ENPEP: variants seen among roughly 807,000 people sequenced by gnomAD.
ENPEP encodes the protein glutamyl aminopeptidase.
ENPEP carries 103 observed loss-of-function variants against 114.5 expected under a neutral mutation model. The ratio of observed to expected loss-of-function variants is 0.90; its 90% confidence interval spans 0.77 to 1.06. The LOEUF (loss-of-function observed/expected upper bound fraction) is 1.06, where lower values mean the gene tolerates loss of function less well. Ranked by LOEUF, ENPEP falls within the 50% of genes least tolerant of loss-of-function variation. ENPEP has a pLI of 0.00. For missense variants in ENPEP, 1,196 were observed against 1,161.3 expected (o/e 1.03, Z -0.43); for synonymous variants, 420 against 422.0 (o/e 1.00, Z 0.06).
chr4:110,535,202 G>T (rs1405632354), intron 11 of ENPEP, among the ~76,000 whole-genome samples: 1 of 152,122 alleles, frequency 6.6e-6, no homozygotes, highest in Non-Finnish European at 1.5e-5. Flanking sequence ...TCTGGGCTGG[G>T]TCTAAGTTCT....
In ENPEP at chr4:110,543,128, T is replaced by C. The variant is rs575019459; in HGVS notation, c.2000+58T>C. 8 of 1,481,624 alleles carry C rather than the reference T, an allele frequency of 5.4e-6. No individual in the cohort carries two copies. The African/African-American group carries it at 1.1e-4, about 21-fold the overall frequency. The allele number at this position is 1,481,624 out of a possible 1,614,324, so 91.8% of individuals were successfully genotyped here. On this transcript the variant is annotated intron_variant, in intron 13 of 19. Transcript: ENST00000265162. ...ATACTGTGGGTTTTCTCATAAATCT[T>C]TTAAAAATGAATTAAACATTGCAGT...
Position 110,561,723 on chromosome 4 carries a change from G to C in ENPEP, c.*165G>C. ...CAAAGCCTTTAAATTGTTCCTCTTT[G>C]TTTATGAAGAAAGATACTAATAGAG... On this transcript the variant is annotated 3_prime_UTR_variant, in exon 20 of 20. Coordinates refer to ENST00000265162, the MANE Select transcript of ENPEP (RefSeq NM_001977.4). 1 of 632,308 alleles carries C rather than the reference G, an allele frequency of 1.6e-6. No homozygotes were observed. The highest frequency in any genetic ancestry group is 3.3e-5 in the Admixed American group (1 of 30,492). 39.2% of individuals were successfully genotyped at this position (632,308 alleles called of 1,614,324 possible). A position where few individuals can be genotyped will look rare whatever the true frequency, so the allele number is the denominator to read the frequency against.
rs1560571297 is a variant in ENPEP, at chr4:110,553,399, T to C, written c.2586T>C (p.Tyr862=). ...TVIRYISYNS[Y]GKNMAWNWIQ... ...TTCGATATATCTCATATAACAGCTA[T>C]GGGAAGAACATGGCCTGGAATTGGA... Residue 862 remains tyrosine, a synonymous_variant, in exon 18 of 20, where the codon TAT becomes TAC. Coordinates refer to ENST00000265162, the MANE Select transcript of ENPEP (RefSeq NM_001977.4). The C allele has an allele frequency of 6.2e-7, 1 of 1,611,554 alleles. No individual in the cohort carries two copies. Among genetic ancestry groups the C allele is most frequent in the Non-Finnish European group, 8.5e-7 (1 of 1,178,284 alleles).
chr4:110,548,075 G>A, intron 13 of ENPEP, 101 bp from the exon 14 acceptor site: 2 of 1,242,394 alleles, frequency 1.6e-6, no homozygotes, highest in Non-Finnish European at 2.1e-6. Flanking sequence ...AACATGGAAT[G>A]CTTTGATCGC....
chr4:110,521,385 T>TAATAA (rs924984418), intron 10 of ENPEP, among the ~76,000 whole-genome samples: 11 of 151,470 alleles, frequency 7.3e-5, no homozygotes, highest in East Asian at 1.9e-4. Flanking sequence ...TCCCTAAAAA[T>TAATAA]AATAAAATAA....
At chr4:110,555,957 C>T (rs1421417361) in intron 18 of ENPEP, among the ~76,000 whole-genome samples, 2 of 151,680 alleles carry the variant, frequency 1.3e-5, no homozygotes, top group African/African-American at 4.8e-5. Context: ...CTGGGGTGTA[C>T]ATATTTTGTT....
chr4:110,530,340 A>G (rs916383517), intron 10 of ENPEP, among the ~76,000 whole-genome samples: 3 of 152,212 alleles, frequency 2.0e-5, no homozygotes, highest in Non-Finnish European at 2.9e-5. Context: ...ACATTTTGTT[A>G]TATCTTGAAA....
intron 1 of ENPEP, among the ~76,000 whole-genome samples, chr4:110,479,469 T>C (rs28421498): frequency 0.16 from 23,647 of 152,070 alleles, 2,473 homozygotes; most frequent in African/African-American, 0.28. Flanking sequence ...TATAAATGCA[T>C]GTATGTCTGT....
chr4:110,510,382 G>T, intron 6 of ENPEP, 24 bp downstream of exon 6: 1 of 1,575,204 alleles, frequency 6.3e-7, no homozygotes. Context: ...ACATAAACTT[G>T]AAATCTCTCT....
In ENPEP at chr4:110,549,647, T is replaced by G. The variant is rs13123537; in HGVS notation, c.2330+15T>G. ...GGGACTGTAAGGTGATTACTCACAT[T>G]GTTATGCTTAGAAGACACATTTGAG... On this transcript the variant is annotated intron_variant, in intron 16 of 19. Coordinates refer to ENST00000265162, the MANE Select transcript of ENPEP (RefSeq NM_001977.4). 1 of 1,613,354 alleles carries G rather than the reference T, an allele frequency of 6.2e-7. No individual in the cohort carries two copies. Among genetic ancestry groups the G allele is most frequent in the Non-Finnish European group, 8.5e-7 (1 of 1,179,556 alleles).
intron 13 of ENPEP, among the ~76,000 whole-genome samples, chr4:110,543,490 G>A (rs1218401104): frequency 6.6e-6 from 1 of 152,100 alleles, no homozygotes; most frequent in Admixed American, 6.6e-5. Context: ...TCTTGTTCAG[G>A]TCACTGGGGT....
chr4:110,519,868 T>G (rs1259093937), intron 8 of ENPEP, 140 bp from the exon 9 acceptor site: 6 of 627,642 alleles, frequency 9.6e-6, no homozygotes, highest in Non-Finnish European at 1.7e-5. Context: ...GCAACAGCCG[T>G]GCTCATTCAT....
At chr4:110,487,556 A>G (rs1034899998) in intron 1 of ENPEP, among the ~76,000 whole-genome samples, 11 of 152,194 alleles carry the variant, frequency 7.2e-5, no homozygotes, top group African/African-American at 1.7e-4. Context: ...AAGGGACTCA[A>G]TTAATGTTTC....
intron 10 of ENPEP, among the ~76,000 whole-genome samples, chr4:110,529,455 G>C (rs1033573851): frequency 3.3e-5 from 5 of 152,104 alleles, no homozygotes; most frequent in Non-Finnish European, 5.9e-5. Context: ...AAAGATCAGT[G>C]GGGGAGCAGG....
chr4:110,537,673 G>A (rs1484927584), intron 11 of ENPEP, among the ~76,000 whole-genome samples: 2 of 152,144 alleles, frequency 1.3e-5, no homozygotes, highest in Non-Finnish European at 2.9e-5. Context: ...TTCTAGAATG[G>A]TGAATGCTTT....
intron 8 of ENPEP, chr4:110,515,843 C>T (rs1283913941): frequency 2.2e-6 from 1 of 456,026 alleles, no homozygotes; most frequent in Middle Eastern, 3.3e-4. Flanking sequence ...AGCCTCTCTT[C>T]CGGGCTTGCA....
chr4:110,547,835 A>G (rs1264331702), intron 13 of ENPEP, among the ~76,000 whole-genome samples: 1 of 152,084 alleles, frequency 6.6e-6, no homozygotes, highest in Non-Finnish European at 1.5e-5. Flanking sequence ...CCACTTGGGA[A>G]CCTAAAATTT....
intron 18 of ENPEP, among the ~76,000 whole-genome samples, chr4:110,555,782 A>G (rs1727446103): frequency 6.6e-6 from 1 of 152,064 alleles, no homozygotes; most frequent in South Asian, 2.1e-4. Context: ...GGATAACATA[A>G]TAATACTTGT....
At chr4:110,515,697 G>C (rs1342846969) in intron 8 of ENPEP, 1 of 557,630 alleles carries the variant, frequency 1.8e-6, no homozygotes, top group Non-Finnish European at 3.4e-6. Flanking sequence ...CTCCTTACAT[G>C]TGTCTTAGTC....
Sources: allele counts gnomAD v4.1 joint callset (sites outside exome capture counted in the v4.1 genomes callset), GRCh38; gene constraint gnomAD v4.1.1; transcripts MANE v1.5; gene names NCBI Gene and HGNC (gene_info 2026-07-23, HGNC 2026-07-21).